Variants in OSBPL3 observed in about 807,000 individuals in gnomAD.
OSBPL3 encodes oxysterol-binding protein-related protein 3.
Under a neutral mutation model 120.1 loss-of-function variants are expected in OSBPL3, and 65 were observed. That is an observed-to-expected ratio of 0.54 (90% CI 0.44 to 0.67). OSBPL3 has a LOEUF of 0.67. OSBPL3 is among the 30% of genes least tolerant of loss of function. The pLI, the probability that OSBPL3 is intolerant of heterozygous loss-of-function variation, is 0.00. For missense variants in OSBPL3, 1,004 were observed against 1,082.1 expected, an observed-to-expected ratio of 0.93 and a Z score of 1.01; for synonymous variants, 416 against 402.6, an observed-to-expected ratio of 1.03 and a Z score of -0.40.
At chr7:24,942,213 A>T (rs1813183982) in intron 1 of OSBPL3, among the ~76,000 whole-genome samples, 1 of 152,182 alleles carries the variant, frequency 6.6e-6, no homozygotes, top group Non-Finnish European at 1.5e-5. Flanking sequence ...ATTTGAAAAG[A>T]ATGAATTTCA....
At chr7:24,931,438 G>A (rs552581816) in intron 1 of OSBPL3, among the ~76,000 whole-genome samples, 1 of 152,044 alleles carries the variant, frequency 6.6e-6, no homozygotes, top group Non-Finnish European at 1.5e-5. Context: ...TAACCACAAG[G>A]GTCCTTATAA....
rs1405693188 is a variant in OSBPL3 at position 24,939,021 on chromosome 7, A to G, written c.-150+40865T>C. ...TCAGTGTAGAAATAAAGATTAAAGA[A>G]TTTTTAGCACAGAGATATTGGATGA... On this transcript the variant is annotated intron_variant, in intron 1 of 22. Coordinates refer to ENST00000313367, the MANE Select transcript of OSBPL3 (RefSeq NM_015550.4). The surrounding 1 kb of genome is among the most constrained non-coding windows in gnomAD (Gnocchi z 4.2). Among the ~76,000 whole-genome samples, 1 of 152,156 alleles carries G rather than the reference A, an allele frequency of 6.6e-6. No individual in the cohort carries two copies. The highest frequency in any genetic ancestry group is 1.5e-5 in the Non-Finnish European group (1 of 68,024).
rs890520487 is a variant in OSBPL3, at chr7:24,967,591, G to A, written c.-150+12295C>T. The stretch of plus-strand genomic sequence containing the variant: ...TCTTTCAAAAAGTACAGAGAATAGT[G>A]TCTCACTTCCAGCAAATACTTCATT... On this transcript the variant is annotated intron_variant, in intron 1 of 22. Transcript: ENST00000313367. The surrounding 1 kb of genome is among the most constrained non-coding windows in gnomAD (Gnocchi z 5.6). 2.6e-5 allele frequency among the ~76,000 whole-genome samples: 4 copies of A among 152,156 alleles called. No homozygotes were observed. The highest frequency in any genetic ancestry group is 7.2e-5 in the African/African-American group (3 of 41,430).
At position 24,842,496 on chromosome 7, in the gene OSBPL3, C is replaced by G; in HGVS notation, c.1267-83G>C. On this transcript the variant is annotated intron_variant, in intron 12 of 22. Coordinates refer to ENST00000313367, the MANE Select transcript of OSBPL3 (RefSeq NM_015550.4). ...AAATAAATGATTTAGTTGTACAATA[C>G]ACAAGGTCACAGGCCCATGCAAATA... 2.9e-6 allele frequency: 3 copies of G among 1,038,828 alleles called. No homozygotes were observed. In the Admixed American group the frequency reaches 6.6e-5, roughly 23 times the overall value. 64.4% of individuals were successfully genotyped at this position (1,038,828 alleles called of 1,614,324 possible).
intron 14 of OSBPL3, among the ~76,000 whole-genome samples, chr7:24,838,972 T>C (rs530247633): frequency 6.6e-6 from 1 of 152,330 alleles, no homozygotes; most frequent in South Asian, 2.1e-4. Flanking sequence ...GATGAGCATC[T>C]TACTTCTAGC....
rs544304657 is a variant in OSBPL3, at chr7:24,946,310, G to T, written c.-150+33576C>A. On this transcript the variant is annotated intron_variant, in intron 1 of 22. Transcript: ENST00000313367. The surrounding 1 kb of genome is among the most constrained non-coding windows in gnomAD (Gnocchi z 4.3). ...AGCCTTTTACAACCTAGACTACTAA[G>T]TTGTCACATAGCGTTATTTTTGCCG... is the stretch of plus-strand genomic sequence containing the variant. 6.6e-6 allele frequency among the ~76,000 whole-genome samples: 1 copy of T among 152,238 alleles called. No individual in the cohort carries two copies. Among genetic ancestry groups the T allele is most frequent in the Admixed American group, 6.5e-5 (1 of 15,294 alleles).
chr7:24,961,160 C>A (rs564473501), intron 1 of OSBPL3, among the ~76,000 whole-genome samples: 2 of 152,234 alleles, frequency 1.3e-5, no homozygotes, highest in East Asian at 1.9e-4. Context: ...AAGGAAGATA[C>A]CTTCTTTCCC....
chr7:24,957,396 G>A (rs983630302), intron 1 of OSBPL3, among the ~76,000 whole-genome samples: 3 of 152,070 alleles, frequency 2.0e-5, no homozygotes, highest in African/African-American at 7.2e-5. Flanking sequence ...GAATTCCAAC[G>A]TTTCCACCTA....
At chr7:24,865,959 C>T in intron 6 of OSBPL3, 111 bp downstream of exon 6, 1 of 793,068 alleles carries the variant, frequency 1.3e-6, no homozygotes, top group Admixed American at 2.2e-5. Flanking sequence ...CCCAAGCCTA[C>T]CCTGCTTGTC....
intron 1 of OSBPL3, among the ~76,000 whole-genome samples, chr7:24,895,248 G>T (rs1584535802): frequency 6.6e-6 from 1 of 152,276 alleles, no homozygotes; most frequent in East Asian, 1.9e-4. Context: ...TACGCTGGTG[G>T]TCCCATAAGA....
chr7:24,919,511 T>G (rs947613194), intron 1 of OSBPL3, among the ~76,000 whole-genome samples: 6 of 151,960 alleles, frequency 3.9e-5, no homozygotes, highest in African/African-American at 1.5e-4. Flanking sequence ...AAAAATTAAC[T>G]CAAAATGGAC....
At chr7:24,853,517 T>C (rs1405253154) in intron 10 of OSBPL3, among the ~76,000 whole-genome samples, 1 of 152,170 alleles carries the variant, frequency 6.6e-6, no homozygotes, top group African/African-American at 2.4e-5. Context: ...AAAAGAGGAA[T>C]GACAATGAAA....
intron 1 of OSBPL3, among the ~76,000 whole-genome samples, chr7:24,956,676 G>C (rs560632586): frequency 3.7e-4 from 57 of 152,128 alleles, no homozygotes; most frequent in African/African-American, 1.4e-3. Context: ...TGTAAAACAG[G>C]CCTTTTTCTG....
intron 10 of OSBPL3, among the ~76,000 whole-genome samples, chr7:24,856,275 AGT>A (rs1404471264): frequency 6.6e-6 from 1 of 152,040 alleles, no homozygotes; most frequent in Non-Finnish European, 1.5e-5. Context: ...GCGTCGTACA[AGT>A]GACTCTTGGT....
chr7:24,980,794 G>A (rs970796755), upstream of OSBPL3, among the ~76,000 whole-genome samples: 5 of 152,092 alleles, frequency 3.3e-5, no homozygotes, highest in African/African-American at 1.2e-4. Context: ...TCGTGCCGGG[G>A]TGATTTTGTT....
intron 1 of OSBPL3, among the ~76,000 whole-genome samples, chr7:24,903,683 T>C: frequency 6.6e-6 from 1 of 152,138 alleles, no homozygotes; most frequent in East Asian, 1.9e-4. Context: ...CATCCACCCC[T>C]GTGTCTGCCA....
At chr7:24,888,064 T>G (rs1370732297) in intron 2 of OSBPL3, among the ~76,000 whole-genome samples, 3 of 152,198 alleles carry the variant, frequency 2.0e-5, no homozygotes, top group Admixed American at 6.5e-5. Context: ...AAAGTATATA[T>G]TCACATATAC....
intron 4 of OSBPL3, 89 bp from the exon 5 acceptor site, chr7:24,870,934 G>A: frequency 1.2e-6 from 1 of 837,756 alleles, no homozygotes; most frequent in Non-Finnish European, 2.1e-6. Flanking sequence ...TCCCCTGATA[G>A]TAAAATCACA....
chr7:24,892,383 A>T lies in OSBPL3; in HGVS notation c.90T>A (p.Ser30Arg), dbSNP rs755888616. ...TGCATGAGTTAAACTTTACCTGTCG[A>T]CTTCCTTGCTTGGAAGAGCAGCTAC... Reference protein sequence around the residue: ...STSSCSSKQGSRQDSWEVVEG... With the variant: ...STSSCSSKQGRRQDSWEVVEG... The change falls in exon 2 of 23, where the codon AGT becomes AGA. Residue 30 changes from serine to arginine, a missense_variant. By Grantham distance (110) the Ser-to-Arg change is moderately radical (BLOSUM62 -1). Transcript: ENST00000313367. 6 of 1,613,172 alleles carry T rather than the reference A, an allele frequency of 3.7e-6. No homozygotes were observed. In the Admixed American group the frequency reaches 1.0e-4, roughly 27 times the overall value.
Sources: allele counts gnomAD v4.1 joint callset (sites outside exome capture counted in the v4.1 genomes callset), GRCh38; gene constraint gnomAD v4.1.1; non-coding constraint Gnocchi (gnomAD v3.1); transcripts MANE v1.5; gene names NCBI Gene and HGNC (gene_info 2026-07-23, HGNC 2026-07-21).